ADGRL3: variants seen among roughly 807,000 people sequenced by gnomAD.
ADGRL3 encodes the protein calcium-independent alpha-latrotoxin receptor 3.
A neutral mutation model predicts 153.5 loss-of-function variants in ADGRL3; 62 were observed. The observed-to-expected ratio is 0.40, with a 90% CI of 0.33 to 0.50. The LOEUF is 0.50. Among genes scored for constraint, ADGRL3 ranks in the 20% least tolerant of loss-of-function variants. The pLI, the probability that ADGRL3 is intolerant of heterozygous loss-of-function variation, is 0.47. For missense variants in ADGRL3, 1,641 were observed against 1,859.4 expected, an observed-to-expected ratio of 0.88 and a Z score of 2.16; for synonymous variants, 710 against 672.5, an observed-to-expected ratio of 1.06 and a Z score of -0.86.
chr4:61,658,893 A>C (rs2094515277), intron 5 of ADGRL3, among the ~76,000 whole-genome samples: 1 of 152,144 alleles, frequency 6.6e-6, no homozygotes, highest in Non-Finnish European at 1.5e-5. Context: ...TGTTGTAACA[A>C]AGTACCACAA....
At chr4:61,320,101 T>C (rs533363580) in intron 1 of ADGRL3, among the ~76,000 whole-genome samples, 19 of 152,250 alleles carry the variant, frequency 1.2e-4, no homozygotes, top group African/African-American at 4.1e-4. Context: ...GAAAAGGTGG[T>C]CATCTGCAAG....
rs1491440117 is a variant in ADGRL3, at chr4:61,720,088, ACT to A, written c.584-10533_584-10532del. On this transcript the variant is annotated intron_variant, in intron 6 of 26. Transcript: ENST00000683033. ...ATTCTTTAGCAAAACTCAGAGTGATACTTTTTTTTTTTTTTTTCTGAGACAGA... is the reference window on the plus strand; with the variant it reads ...ATTCTTTAGCAAAACTCAGAGTGATATTTTTTTTTTTTTTTCTGAGACAGA... Among the ~76,000 whole-genome samples, 17 of 100,004 alleles carry A rather than the reference ACT, an allele frequency of 1.7e-4. No individual in the cohort carries two copies. The Admixed American group carries it at 2.1e-3, about 12-fold the overall frequency. 65.6% of individuals were successfully genotyped at this position (100,004 alleles called of 152,430 possible). A position where few individuals can be genotyped will look rare whatever the true frequency, so the allele number is the denominator to read the frequency against.
At chr4:61,511,203 CAA>C (rs2098461923) in intron 3 of ADGRL3, among the ~76,000 whole-genome samples, 1 of 152,008 alleles carries the variant, frequency 6.6e-6, no homozygotes, top group African/African-American at 2.4e-5. Context: ...ACTAAAGATA[CAA>C]AAAAATTAGC....
chr4:61,396,133 C>T (rs571681736), intron 2 of ADGRL3, among the ~76,000 whole-genome samples: 1 of 152,026 alleles, frequency 6.6e-6, no homozygotes, highest in East Asian at 1.9e-4. Flanking sequence ...GTGTGCTTTT[C>T]ACCCAAATGC....
At chr4:61,875,013 T>C (rs2149426271) in intron 9 of ADGRL3, among the ~76,000 whole-genome samples, 1 of 151,704 alleles carries the variant, frequency 6.6e-6, no homozygotes, top group Admixed American at 6.6e-5. Flanking sequence ...TTTCACCTTG[T>C]TAGTCAGGAT....
intron 1 of ADGRL3, among the ~76,000 whole-genome samples, chr4:61,297,567 T>C (rs1469053763): frequency 1.3e-5 from 2 of 152,146 alleles, no homozygotes; most frequent in Non-Finnish European, 2.9e-5. Context: ...ACAAAACATT[T>C]TTTTTCCTTG....
chr4:61,423,314 G>T (rs1026420), intron 2 of ADGRL3, among the ~76,000 whole-genome samples: 81,371 of 152,002 alleles, frequency 0.54, 23,168 homozygotes, highest in Admixed American at 0.71. Context: ...GATACATAGA[G>T]AAGGAACAAA....
At chr4:61,798,999 GTA>G (rs34782885) in intron 8 of ADGRL3, among the ~76,000 whole-genome samples, 6,705 of 80,320 alleles carry the variant, frequency 0.083, 284 homozygotes, top group East Asian at 0.19. Flanking sequence ...TATATAAACA[GTA>G]TATATATATA....
intron 21 of ADGRL3, among the ~76,000 whole-genome samples, chr4:62,010,990 T>G (rs2099183677): frequency 1.3e-5 from 2 of 152,150 alleles, no homozygotes; most frequent in Non-Finnish European, 2.9e-5. Flanking sequence ...AAATTGAATC[T>G]CATGCGCTAT....
At chr4:61,346,593 G>A (rs1475578046) in intron 1 of ADGRL3, among the ~76,000 whole-genome samples, 1 of 140,820 alleles carries the variant, frequency 7.1e-6, no homozygotes, top group East Asian at 2.2e-4. Flanking sequence ...GCAAGACACT[G>A]TCTTTACAAA....
At chr4:61,537,359 G>A (rs1275337286) in intron 4 of ADGRL3, among the ~76,000 whole-genome samples, 1 of 151,798 alleles carries the variant, frequency 6.6e-6, no homozygotes, top group African/African-American at 2.4e-5. Flanking sequence ...GTGTGCTTTG[G>A]TGATGTTCAG....
At chr4:61,407,948 G>A (rs1253135559) in intron 2 of ADGRL3, among the ~76,000 whole-genome samples, 1 of 151,952 alleles carries the variant, frequency 6.6e-6, no homozygotes, top group Admixed American at 6.6e-5. Flanking sequence ...GTAGATTATC[G>A]TTATGAGGAA....
At chr4:61,538,087 A>G (rs2098668099) in intron 4 of ADGRL3, among the ~76,000 whole-genome samples, 1 of 152,158 alleles carries the variant, frequency 6.6e-6, no homozygotes, top group East Asian at 1.9e-4. Context: ...TCTCATCTGT[A>G]GAAGCTATTG....
intron 13 of ADGRL3, among the ~76,000 whole-genome samples, chr4:61,922,048 G>T (rs2098772420): frequency 6.6e-6 from 1 of 152,138 alleles, no homozygotes; most frequent in Non-Finnish European, 1.5e-5. Context: ...AACTTGTATT[G>T]ACTTAGAAAG....
intron 1 of ADGRL3, among the ~76,000 whole-genome samples, chr4:61,226,940 A>G (rs1189150451): frequency 1.8e-4 from 27 of 152,232 alleles, no homozygotes; most frequent in Non-Finnish European, 5.9e-5. Context: ...AATGGGAAAG[A>G]TATCCTGCTG....
intron 2 of ADGRL3, among the ~76,000 whole-genome samples, chr4:61,414,010 CTA>C (rs2097118254): frequency 6.6e-6 from 1 of 152,062 alleles, no homozygotes; most frequent in Non-Finnish European, 1.5e-5. Flanking sequence ...TATAATTTTT[CTA>C]TAGTCATTGT....
intron 1 of ADGRL3, among the ~76,000 whole-genome samples, chr4:61,281,412 T>C (rs969672666): frequency 6.6e-6 from 1 of 152,180 alleles, no homozygotes; most frequent in Non-Finnish European, 1.5e-5. Flanking sequence ...CACATAAAAC[T>C]GTAGGCTCTA....
intron 5 of ADGRL3, among the ~76,000 whole-genome samples, chr4:61,643,510 T>C (rs1417494226): frequency 1.3e-5 from 2 of 152,104 alleles, no homozygotes; most frequent in African/African-American, 4.8e-5. Context: ...GGTTGTTGAA[T>C]TTTGTCAAAG....
intron 1 of ADGRL3, among the ~76,000 whole-genome samples, chr4:61,333,972 A>G (rs578108495): frequency 2.7e-5 from 4 of 149,828 alleles, no homozygotes; most frequent in East Asian, 2.0e-4. Context: ...CTGAAATGCA[A>G]TGGTGTGATC....
Sources: gnomAD v4.1 joint callset for allele counts (sites outside exome capture counted in the v4.1 genomes callset) on GRCh38, gnomAD v4.1.1 for gene constraint, MANE v1.5 for transcripts, NCBI Gene and HGNC (gene_info 2026-07-23, HGNC 2026-07-21) for gene names.